The following SCHIP1 variants were observed in gnomAD, a reference collection of about 807,000 sequenced individuals.
SCHIP1 encodes schwannomin-interacting protein 1.
A neutral mutation model predicts 29.7 loss-of-function variants in SCHIP1; 8 were observed. The ratio of observed to expected loss-of-function variants is 0.27; its 90% confidence interval spans 0.16 to 0.49. The LOEUF (loss-of-function observed/expected upper bound fraction) is 0.49, where lower values mean the gene tolerates loss of function less well. SCHIP1 is among the 20% of genes least tolerant of loss of function. The pLI is 0.99. For synonymous variants in SCHIP1, 76 were observed against 94.9 expected, an observed-to-expected ratio of 0.80 and a Z score of 1.16; for missense variants, 193 against 294.6, an observed-to-expected ratio of 0.66 and a Z score of 2.52.
the SCHIP1 span, among the ~76,000 whole-genome samples, chr3:159,689,205 C>T: frequency 3.7e-3 from 562 of 152,254 alleles, 6 homozygotes; most frequent in African/African-American, 0.012. Context: ...GCCATTTTCA[C>T]GATATTGATT....
the SCHIP1 span, among the ~76,000 whole-genome samples, chr3:159,288,519 T>G: frequency 6.6e-6 from 1 of 152,072 alleles, no homozygotes; most frequent in African/African-American, 2.4e-5. Context: ...GGGCGGATCA[T>G]CTGAGGTTGG....
the SCHIP1 span, among the ~76,000 whole-genome samples, chr3:159,725,139 T>C: frequency 6.6e-6 from 1 of 152,314 alleles, no homozygotes; most frequent in South Asian, 2.1e-4. Context: ...GGAGCCCTTC[T>C]TGGGGACTCT....
chr3:159,495,629 C>T, the SCHIP1 span, among the ~76,000 whole-genome samples: 3 of 152,180 alleles, frequency 2.0e-5, no homozygotes, highest in Non-Finnish European at 4.4e-5. Context: ...AATGGAAGAA[C>T]ATTCCATGCT....
chr3:159,718,803 C>G, the SCHIP1 span, among the ~76,000 whole-genome samples: 3 of 152,176 alleles, frequency 2.0e-5, no homozygotes, highest in Admixed American at 6.5e-5. Flanking sequence ...AATGGCCACA[C>G]TTCCCAAGAT....
the SCHIP1 span, among the ~76,000 whole-genome samples, chr3:159,295,275 AAC>A: frequency 1.2e-3 from 169 of 140,368 alleles, 24 homozygotes; most frequent in African/African-American, 3.4e-3. Flanking sequence ...AAAAAAAAAA[AAC>A]AACTAGCCAG....
chr3:159,436,738 T>G, the SCHIP1 span, among the ~76,000 whole-genome samples: 1 of 152,252 alleles, frequency 6.6e-6, no homozygotes, highest in African/African-American at 2.4e-5. Context: ...AGTAGCACAT[T>G]CCTTATGTGA....
the SCHIP1 span, among the ~76,000 whole-genome samples, chr3:159,373,289 G>A: frequency 6.6e-6 from 1 of 150,982 alleles, no homozygotes; most frequent in African/African-American, 2.4e-5. Flanking sequence ...ATATTATACA[G>A]TTAATACCAA....
At chr3:159,728,015 T>TA in the SCHIP1 span, among the ~76,000 whole-genome samples, 38 of 147,776 alleles carry the variant, frequency 2.6e-4, no homozygotes, top group Middle Eastern at 3.7e-3. Flanking sequence ...TTTTTTTTTT[T>TA]TAAAAAGGCA....
At chr3:159,680,568 GTATAA>G in the SCHIP1 span, among the ~76,000 whole-genome samples, 4 of 108,292 alleles carry the variant, frequency 3.7e-5, 1 homozygote, top group South Asian at 2.4e-4. Flanking sequence ...TATAATATAT[GTATAA>G]TATATCTATA....
At chr3:159,318,876 C>T in the SCHIP1 span, among the ~76,000 whole-genome samples, 1 of 151,256 alleles carries the variant, frequency 6.6e-6, no homozygotes, top group African/African-American at 2.4e-5. Context: ...GTTGATGACC[C>T]ATAGTCAAAC....
At chr3:159,669,834 T>C in the SCHIP1 span, among the ~76,000 whole-genome samples, 1 of 152,198 alleles carries the variant, frequency 6.6e-6, no homozygotes, top group Non-Finnish European at 1.5e-5. Flanking sequence ...CCCTGTGTTC[T>C]GCCCACAAGC....
At chr3:159,877,951 G>A (rs1716011591) in intron 2 of SCHIP1, among the ~76,000 whole-genome samples, 1 of 152,184 alleles carries the variant, frequency 6.6e-6, no homozygotes, top group South Asian at 2.1e-4. Flanking sequence ...GTCAACAGTT[G>A]AATCAGAGTC....
At chr3:159,556,159 A>G in the SCHIP1 span, among the ~76,000 whole-genome samples, 1 of 152,320 alleles carries the variant, frequency 6.6e-6, no homozygotes, top group African/African-American at 2.4e-5. Context: ...CAAAAAACAC[A>G]TGAAAAAATG....
the SCHIP1 span, among the ~76,000 whole-genome samples, chr3:159,438,814 A>T: frequency 1.3e-5 from 2 of 152,192 alleles, no homozygotes; most frequent in Non-Finnish European, 2.9e-5. Flanking sequence ...TACAAAGGAC[A>T]TGATCTCATT....
At chr3:159,885,323 C>G (rs1268682515) in intron 2 of SCHIP1, among the ~76,000 whole-genome samples, 1 of 152,108 alleles carries the variant, frequency 6.6e-6, no homozygotes, top group East Asian at 1.9e-4. Context: ...ACTAGAGATG[C>G]TAGGAAAACT....
the SCHIP1 span, among the ~76,000 whole-genome samples, chr3:159,403,561 G>A: frequency 1.3e-5 from 2 of 152,212 alleles, no homozygotes; most frequent in South Asian, 4.1e-4. Context: ...GCAACACTGG[G>A]AAGAACTCAG....
At chr3:159,480,157 T>C in the SCHIP1 span, among the ~76,000 whole-genome samples, 1 of 152,196 alleles carries the variant, frequency 6.6e-6, no homozygotes, top group Admixed American at 6.6e-5. Context: ...CCTCTACTTG[T>C]AGCTACTTGA....
At chr3:159,283,912 C>G in the SCHIP1 span, among the ~76,000 whole-genome samples, 2 of 152,076 alleles carry the variant, frequency 1.3e-5, no homozygotes, top group Non-Finnish European at 2.9e-5. Flanking sequence ...TGTGGTATTG[C>G]TGTTTGGTTT....
At chr3:159,520,747 T>C in the SCHIP1 span, among the ~76,000 whole-genome samples, 1 of 152,272 alleles carries the variant, frequency 6.6e-6, no homozygotes, top group Non-Finnish European at 1.5e-5. Context: ...GGCCTCCTTA[T>C]GTTTTAAAAC....
Sources: gnomAD v4.1 joint callset for allele counts (sites outside exome capture counted in the v4.1 genomes callset) on GRCh38, gnomAD v4.1.1 for gene constraint, MANE v1.5 for transcripts, NCBI Gene and HGNC (gene_info 2026-07-23, HGNC 2026-07-21) for gene names.